Variants in IKBKB-DT observed in about 807,000 individuals in gnomAD.
The protein encoded by IKBKB-DT is IKBKB antisense RNA.
intron 3 of IKBKB-DT, among the ~76,000 whole-genome samples, chr8:42,257,457 C>T (rs776206550): frequency 1.8e-4 from 27 of 151,308 alleles, no homozygotes; most frequent in Non-Finnish European, 3.4e-4. Flanking sequence ...GCCAAGATCG[C>T]GCCACTGCAC....
At chr8:42,237,424 G>C (rs1213017249) in intron 3 of IKBKB-DT, among the ~76,000 whole-genome samples, 1 of 152,038 alleles carries the variant, frequency 6.6e-6, no homozygotes, top group African/African-American at 2.4e-5. Flanking sequence ...ATACTTATCA[G>C]TTGTTGCATC....
intron 3 of IKBKB-DT, among the ~76,000 whole-genome samples, chr8:42,259,253 G>A (rs543388918): frequency 1.1e-4 from 16 of 152,094 alleles, no homozygotes; most frequent in African/African-American, 2.7e-4. Flanking sequence ...TCAAACTCCC[G>A]ACCTCAGGTG....
chr8:42,262,292 A>T (rs9298620), intron 3 of IKBKB-DT, among the ~76,000 whole-genome samples: 7,481 of 151,238 alleles, frequency 0.049, 483 homozygotes, highest in African/African-American at 0.16. Flanking sequence ...TAATAAAAAA[A>T]AAATAAATAA....
intron 3 of IKBKB-DT, among the ~76,000 whole-genome samples, chr8:42,246,508 TAA>T (rs1388706730): frequency 6.6e-6 from 1 of 152,206 alleles, no homozygotes; most frequent in Non-Finnish European, 1.5e-5. Context: ...ATATGTGTAA[TAA>T]AACTTATATG....
chr8:42,259,914 G>C (rs1046985048), intron 3 of IKBKB-DT, among the ~76,000 whole-genome samples: 1 of 151,204 alleles, frequency 6.6e-6, no homozygotes, highest in Non-Finnish European at 1.5e-5. Context: ...CCCCAGAGGC[G>C]GAGGTTGCAG....
intron 3 of IKBKB-DT, among the ~76,000 whole-genome samples, chr8:42,253,570 C>T (rs1807156370): frequency 6.6e-6 from 1 of 152,172 alleles, no homozygotes; most frequent in Admixed American, 6.6e-5. Context: ...ATTGGGGATC[C>T]AGTCCAGTTT....
At chr8:42,252,317 C>T (rs564914677) in intron 3 of IKBKB-DT, among the ~76,000 whole-genome samples, 3 of 152,174 alleles carry the variant, frequency 2.0e-5, no homozygotes, top group Non-Finnish European at 2.9e-5. Context: ...ACCACAGAAC[C>T]GGATGACCCA....
At chr8:42,255,444 T>C (rs1029873967) in intron 3 of IKBKB-DT, 34 of 152,208 alleles carry the variant, frequency 2.2e-4, no homozygotes, top group African/African-American at 8.0e-4. Context: ...CTGTAGACTT[T>C]GATGAATTAT....
intron 3 of IKBKB-DT, among the ~76,000 whole-genome samples, chr8:42,251,828 C>CAAAA (rs59420104): frequency 0.02 from 1,798 of 91,338 alleles, 56 homozygotes; most frequent in African/African-American, 0.066. Flanking sequence ...GACTCCATCT[C>CAAAA]AAAAAAAAAA....
At chr8:42,235,413 C>T (rs1242121574) in intron 3 of IKBKB-DT, among the ~76,000 whole-genome samples, 1 of 151,918 alleles carries the variant, frequency 6.6e-6, no homozygotes, top group Non-Finnish European at 1.5e-5. Context: ...TCTATGTTGA[C>T]CAGGTGGTCT....
intron 3 of IKBKB-DT, among the ~76,000 whole-genome samples, chr8:42,240,915 C>A (rs2129905038): frequency 6.6e-6 from 1 of 152,126 alleles, no homozygotes; most frequent in Middle Eastern, 3.4e-3. Context: ...GCAGAGGTTG[C>A]TGTGAGCTGA....
chr8:42,236,816 G>A (rs1286416771), intron 3 of IKBKB-DT, among the ~76,000 whole-genome samples: 2 of 152,088 alleles, frequency 1.3e-5, no homozygotes, highest in Non-Finnish European at 2.9e-5. Context: ...TATAACCAAA[G>A]TGAAAAAAAT....
chr8:42,235,361 C>T (rs1238505956), intron 3 of IKBKB-DT, among the ~76,000 whole-genome samples: 9 of 151,752 alleles, frequency 5.9e-5, no homozygotes, highest in Non-Finnish European at 1.3e-4. Context: ...TACACCACCA[C>T]GCCCAGCTAA....
intron 3 of IKBKB-DT, among the ~76,000 whole-genome samples, chr8:42,251,223 A>G (rs566510867): frequency 1.3e-5 from 2 of 152,270 alleles, no homozygotes; most frequent in Non-Finnish European, 2.9e-5. Flanking sequence ...TCACTCACAG[A>G]TGGAACAATG....
At chr8:42,248,649 G>C (rs759199884) in intron 3 of IKBKB-DT, among the ~76,000 whole-genome samples, 5 of 152,102 alleles carry the variant, frequency 3.3e-5, no homozygotes, top group Admixed American at 1.3e-4. Flanking sequence ...GGGAGGCCAA[G>C]GCAGGCGGAT....
chr8:42,240,443 T>G (rs1806985679), intron 3 of IKBKB-DT, among the ~76,000 whole-genome samples: 1 of 150,508 alleles, frequency 6.6e-6, no homozygotes, highest in African/African-American at 2.5e-5. Flanking sequence ...GCTAACACAG[T>G]GAAACCCTGT....
intron 3 of IKBKB-DT, among the ~76,000 whole-genome samples, chr8:42,262,874 G>T (rs1020273882): frequency 4.6e-5 from 7 of 152,094 alleles, no homozygotes; most frequent in African/African-American, 1.4e-4. Flanking sequence ...GAGTAGCTGG[G>T]ACTACAGGCG....
chr8:42,261,690 C>A (rs1214862238), intron 3 of IKBKB-DT, among the ~76,000 whole-genome samples: 1 of 152,112 alleles, frequency 6.6e-6, no homozygotes, highest in Non-Finnish European at 1.5e-5. Context: ...TGGAGCAGTC[C>A]CCAAGGCAAC....
At chr8:42,261,743 T>C (rs1326571366) in intron 3 of IKBKB-DT, among the ~76,000 whole-genome samples, 1 of 152,240 alleles carries the variant, frequency 6.6e-6, no homozygotes, top group Admixed American at 6.5e-5. Flanking sequence ...TTTGTGCTGA[T>C]GACCTCTCTT....
Sources: allele counts gnomAD v4.1 joint callset (sites outside exome capture counted in the v4.1 genomes callset), GRCh38; gene constraint gnomAD v4.1.1; transcripts MANE v1.5; gene names NCBI Gene and HGNC (gene_info 2026-07-23, HGNC 2026-07-21).